Variants in USP7 observed in about 807,000 individuals in gnomAD.
The protein encoded by USP7 is ubiquitin specific peptidase 7, also known as ubiquitin C-terminal hydrolase 7.
In USP7, 9 loss-of-function variants were observed where a neutral mutation model predicts 162.9. The observed-to-expected ratio is 0.06, with a 90% confidence interval of 0.03 to 0.10. The LOEUF is 0.10. Ranked by LOEUF, USP7 falls within the 10% of genes least tolerant of loss-of-function variation. The pLI, the probability that USP7 is intolerant of heterozygous loss-of-function variation, is 1.00. For synonymous variants in USP7, 562 were observed against 475.9 expected (o/e 1.18, Z -2.35); for missense variants, 715 against 1,373.7 (o/e 0.52, Z 7.58).
chr16:8,903,820 T>C (rs1160167741), intron 15 of USP7, among the ~76,000 whole-genome samples: 3 of 146,360 alleles, frequency 2.0e-5, no homozygotes, highest in African/African-American at 7.7e-5. Context: ...TGAGCAGAGA[T>C]CGCGCCACTG....
chr16:8,930,186 C>T (rs147717614), intron 2 of USP7, 107 bp downstream of exon 2: 16 of 781,148 alleles, frequency 2.0e-5, no homozygotes, highest in African/African-American at 7.1e-5. Flanking sequence ...AAACTAGCTA[C>T]GCTCAGAAGT....
At chr16:8,940,544 A>G (rs1898992657) in intron 1 of USP7, among the ~76,000 whole-genome samples, 1 of 152,184 alleles carries the variant, frequency 6.6e-6, no homozygotes, top group African/African-American at 2.4e-5. Flanking sequence ...TGGGGCAGTT[A>G]CAGCAATGGC....
Position 8,916,567 on chromosome 16 carries a change from T to A in USP7, c.852-11A>T, listed in dbSNP as rs1567221816. ...TCTAAAGTTTCCCACCTTTCAAAGATAAAACAAACAACTCCATTTAAAGCT... is the reference window on the plus strand; with the variant it reads ...TCTAAAGTTTCCCACCTTTCAAAGAAAAAACAAACAACTCCATTTAAAGCT... On this transcript the variant is annotated splice_polypyrimidine_tract_variant and intron_variant, in intron 7 of 30. Transcript: ENST00000344836. 1 of 1,542,472 alleles carries A rather than the reference T, an allele frequency of 6.5e-7. No homozygotes were observed. The highest frequency in any genetic ancestry group is 2.4e-5 in the East Asian group (1 of 41,936).
At chr16:8,936,657 G>T (rs915490705) in intron 1 of USP7, 1 of 1,550,788 alleles carries the variant, frequency 6.4e-7, no homozygotes, top group Admixed American at 1.9e-5. Context: ...GATGGGGGAG[G>T]TTCTCTCACC....
At chr16:8,959,176 T>C (rs1019692246) in intron 1 of USP7, among the ~76,000 whole-genome samples, 1 of 152,134 alleles carries the variant, frequency 6.6e-6, no homozygotes, top group African/African-American at 2.4e-5. Flanking sequence ...CTTTAAGGGA[T>C]GGAGAAACTG....
chr16:8,945,953 C>T (rs1297253800), intron 1 of USP7, among the ~76,000 whole-genome samples: 2 of 152,032 alleles, frequency 1.3e-5, no homozygotes, highest in African/African-American at 4.8e-5. Context: ...GATTATGAAG[C>T]TTCCATAATC....
At chr16:8,924,155 T>A (rs980663731) in intron 2 of USP7, among the ~76,000 whole-genome samples, 5 of 152,224 alleles carry the variant, frequency 3.3e-5, no homozygotes, top group African/African-American at 1.2e-4. Flanking sequence ...CATTTAAAAT[T>A]CAATCTTTCA....
At chr16:8,916,888 C>T in intron 7 of USP7, 138 bp downstream of exon 7, 2 of 1,005,178 alleles carry the variant, frequency 2.0e-6, no homozygotes, top group Middle Eastern at 3.3e-4. Flanking sequence ...AAAGCACTGA[C>T]ACGATTAAAT....
At chr16:8,920,511 AATTAC>A in intron 4 of USP7, 64 bp from the exon 5 acceptor site, 1 of 1,376,710 alleles carries the variant, frequency 7.3e-7, no homozygotes, top group Non-Finnish European at 1.0e-6. Flanking sequence ...CCAAGAGACA[AATTAC>A]ATTAGTGCCC....
chr16:8,897,861 T>C (rs1420579237), intron 25 of USP7, among the ~76,000 whole-genome samples: 1 of 150,742 alleles, frequency 6.6e-6, no homozygotes, highest in Non-Finnish European at 1.5e-5. Flanking sequence ...ATGGTGCCAC[T>C]GCACTCCAGC....
At chr16:8,910,472 T>C (rs1294160186) in intron 11 of USP7, among the ~76,000 whole-genome samples, 1 of 152,118 alleles carries the variant, frequency 6.6e-6, no homozygotes, top group Admixed American at 6.5e-5. Context: ...GTGACACCAG[T>C]AAGGTGAGGA....
intron 25 of USP7, chr16:8,897,316 T>G (rs1253655183): frequency 2.0e-6 from 1 of 511,240 alleles, no homozygotes; most frequent in African/African-American, 1.9e-5. Context: ...TGACGGGAGG[T>G]TAACAAAAGT....
In USP7 at chr16:8,948,506, A is replaced by C. The variant is rs139555576; in HGVS notation, c.79+14701T>G. On this transcript the variant is annotated intron_variant, in intron 1 of 30. Coordinates refer to ENST00000344836, the MANE Select transcript of USP7 (RefSeq NM_003470.3). ...GGCCCCCAGTTAACTCAACTTAGTA[A>C]GTGAAGCATATTCCTAACTGCAAAA... Among the ~76,000 whole-genome samples the C allele has an allele frequency of 5.0e-3, 766 of 152,264 alleles. 4 individuals are homozygous for C. Among genetic ancestry groups the C allele is most frequent in the Middle Eastern group, 0.014 (4 of 294 alleles).
At chr16:8,905,000 T>C in intron 14 of USP7, among the ~76,000 whole-genome samples, 187 bp downstream of exon 14, 1 of 152,008 alleles carries the variant, frequency 6.6e-6, no homozygotes, top group South Asian at 2.1e-4. Flanking sequence ...TCTATTAACA[T>C]GAAATTACTT....
At chr16:8,961,525 T>G (rs1373680862) in intron 1 of USP7, among the ~76,000 whole-genome samples, 1 of 132,134 alleles carries the variant, frequency 7.6e-6, no homozygotes, top group Admixed American at 8.1e-5. Flanking sequence ...GGCAAATACC[T>G]TGAAATTTGT....
At chr16:8,941,601 C>T (rs1431075104) in intron 1 of USP7, among the ~76,000 whole-genome samples, 2 of 152,224 alleles carry the variant, frequency 1.3e-5, no homozygotes, top group Non-Finnish European at 1.5e-5. Flanking sequence ...ATAAGTTAGT[C>T]TGCCAATTCG....
Position 8,894,535 on chromosome 16 carries a change from G to GC in USP7, c.3202+14_3202+15insG, listed in dbSNP as rs781235560. ...TGAAACCCACACCAGCCCCCGGGGG[G>GC]GGGAGAACCCTTACCGGGCTGTGGC... On this transcript the variant is annotated intron_variant, in intron 30 of 30. Transcript: ENST00000344836. 3.9e-5 allele frequency: 62 copies of GC among 1,610,136 alleles called. No homozygotes were observed. In the South Asian group the frequency reaches 6.6e-4, roughly 17 times the overall value.
intron 11 of USP7, among the ~76,000 whole-genome samples, chr16:8,909,695 A>G (rs1261584065): frequency 6.6e-6 from 1 of 152,216 alleles, no homozygotes; most frequent in Non-Finnish European, 1.5e-5. Context: ...TGGGAGGCCG[A>G]GGCAGGCGGA....
At chr16:8,895,253 ATT>A in intron 27 of USP7, 103 bp from the exon 28 acceptor site, 1 of 1,559,984 alleles carries the variant, frequency 6.4e-7, no homozygotes, top group Admixed American at 1.8e-5. Flanking sequence ...GGTAAAGCCT[ATT>A]TTTGCTAAAA....
Sources: allele counts gnomAD v4.1 joint callset (sites outside exome capture counted in the v4.1 genomes callset), GRCh38; gene constraint gnomAD v4.1.1; transcripts MANE v1.5; gene names NCBI Gene and HGNC (gene_info 2026-07-23, HGNC 2026-07-21).